MED12L: variants seen among roughly 807,000 people sequenced by gnomAD.
MED12L encodes the protein mediator complex subunit 12L.
A neutral mutation model predicts 281.3 loss-of-function variants in MED12L; 60 were observed. The ratio of observed to expected loss-of-function variants is 0.21; its 90% CI spans 0.17 to 0.26. The LOEUF is 0.26. Among genes scored for constraint, MED12L ranks in the 10% least tolerant of loss-of-function variants. The probability of loss-of-function intolerance (pLI) is 1.00; values close to 1 mark genes in which losing one functional copy is unlikely to be tolerated. For missense variants in MED12L, 2,146 were observed against 2,680.9 expected (o/e 0.80, Z 4.41); for synonymous variants, 974 against 987.2 (o/e 0.99, Z 0.25).
intron 5 of MED12L, among the ~76,000 whole-genome samples, chr3:151,151,031 C>CTTTTTTTTTTGTTTTTTTTTTTTTTTTTT (rs1718405072): frequency 6.1e-5 from 2 of 32,880 alleles, no homozygotes; most frequent in Non-Finnish European, 1.1e-4. Context: ...GCTGAAGTAG[C>CTTTTTTTTTTGTTTTTTTTTTTTTTTTTT]TTTTTTTTTT....
intron 16 of MED12L, among the ~76,000 whole-genome samples, chr3:151,267,932 A>G (rs988641584): frequency 6.6e-5 from 10 of 152,200 alleles, no homozygotes; most frequent in African/African-American, 2.4e-4. Context: ...GTTGCTAAGT[A>G]CTTAAGAAAT....
At chr3:151,144,538 CCT>C (rs1717505944) in intron 5 of MED12L, among the ~76,000 whole-genome samples, 1 of 152,180 alleles carries the variant, frequency 6.6e-6, no homozygotes, top group African/African-American at 2.4e-5. Flanking sequence ...GCCTCGGCCC[CCT>C]GTTTTCTGAC....
At chr3:151,295,092 T>C (rs577139354) in intron 16 of MED12L, 5 of 1,613,570 alleles carry the variant, frequency 3.1e-6, no homozygotes, top group East Asian at 2.2e-5. Flanking sequence ...GCCACAAATA[T>C]AATGAGATAA....
chr3:151,426,038 AG>A (rs1718840960), intron 43 of MED12L, among the ~76,000 whole-genome samples: 8 of 152,236 alleles, frequency 5.3e-5, no homozygotes, highest in Admixed American at 5.2e-4. Flanking sequence ...ACATTTGAAT[AG>A]GGAAGGCAAA....
Position 151,365,056 on chromosome 3 carries a change from A to G in MED12L, c.3035A>G (p.Asp1012Gly), listed in dbSNP as rs140730318. The stretch of plus-strand genomic sequence containing the variant: ...AATTCGAACTTGCGATGGGATCCAG[A>G]CTTCATGATGGATTTTATTGAGAAT... The part of the protein sequence containing the change: ...PANSNLRWDP[D>G]FMMDFIENPS... Residue 1012 changes from aspartate (D) to glycine (G), a missense_variant, in exon 22 of 45, where the codon GAC (aspartate) becomes GGC (glycine). By Grantham distance (94) the Asp-to-Gly change is moderately conservative (BLOSUM62 -1). Transcript: ENST00000687756. The G allele has an allele frequency of 6.2e-7, 1 of 1,614,146 alleles. No homozygotes were observed. Among genetic ancestry groups the G allele is most frequent in the African/African-American group, 1.3e-5 (1 of 75,060 alleles).
At chr3:151,320,196 T>A (rs1748831261) in intron 16 of MED12L, among the ~76,000 whole-genome samples, 1 of 152,182 alleles carries the variant, frequency 6.6e-6, no homozygotes, top group African/African-American at 2.4e-5. Context: ...TATAATCTCA[T>A]TTTTCTGTAT....
chr3:151,175,486 C>A (rs73155794), intron 11 of MED12L, among the ~76,000 whole-genome samples: 1 of 151,888 alleles, frequency 6.6e-6, no homozygotes, highest in Non-Finnish European at 1.5e-5. Flanking sequence ...TTTTTTTCCC[C>A]CACTCCTTTT....
intron 16 of MED12L, among the ~76,000 whole-genome samples, chr3:151,241,058 G>T (rs926805926): frequency 1.3e-4 from 20 of 152,098 alleles, no homozygotes; most frequent in African/African-American, 4.8e-4. Flanking sequence ...TAAAAACGGG[G>T]GACTATACTC....
At chr3:151,123,030 A>G (rs1430837194) in intron 4 of MED12L, 56 bp downstream of exon 4, 1 of 1,364,414 alleles carries the variant, frequency 7.3e-7, no homozygotes, top group Non-Finnish European at 1.0e-6. Context: ...GCTGTTTGGG[A>G]TAATATTCAA....
chr3:151,151,031 CTTTTTTT>C (rs573419924), intron 5 of MED12L, among the ~76,000 whole-genome samples: 20 of 32,888 alleles, frequency 6.1e-4, no homozygotes, highest in Admixed American at 8.0e-4. Context: ...GCTGAAGTAG[CTTTTTTT>C]TTTTTTTTTT....
intron 39 of MED12L, 87 bp from the exon 40 acceptor site, chr3:151,409,156 G>A: frequency 1.1e-6 from 1 of 936,680 alleles, no homozygotes; most frequent in Non-Finnish European, 1.6e-6. Context: ...AATGAGATTA[G>A]ATGTGGGTTA....
chr3:151,294,662 A>T (rs748636694), intron 16 of MED12L: 1 of 1,614,180 alleles, frequency 6.2e-7, no homozygotes, highest in South Asian at 1.1e-5. Flanking sequence ...AGGACTTTTA[A>T]GTTTTGAGCA....
At position 151,385,016 on chromosome 3, in the gene MED12L, T is replaced by C. The variant is rs145552280; in HGVS notation, c.4927-14T>C. The C allele has an allele frequency of 2.6e-4, 343 of 1,344,752 alleles. 1 individual carries two copies. In the African/African-American group the frequency reaches 4.1e-3, roughly 16 times the overall value. 83.3% of individuals were successfully genotyped at this position (1,344,752 alleles called of 1,614,324 possible). On this transcript the variant is annotated splice_polypyrimidine_tract_variant and intron_variant, in intron 35 of 44. Coordinates refer to ENST00000687756, the MANE Select transcript of MED12L (RefSeq NM_001393769.1). ...TCCCACTTCTCACTCTCTCTCTCTC[T>C]CTTTTTTCTTTAGAAAGAGCTAGGA...
chr3:151,293,677 A>AC (rs1553770708), intron 16 of MED12L, among the ~76,000 whole-genome samples: 23 of 121,350 alleles, frequency 1.9e-4, no homozygotes, highest in African/African-American at 8.4e-4. Context: ...ACACACACAC[A>AC]CCCTCTACCT....
intron 11 of MED12L, among the ~76,000 whole-genome samples, chr3:151,178,905 A>G (rs1320028971): frequency 2.6e-5 from 4 of 152,146 alleles, no homozygotes; most frequent in African/African-American, 9.7e-5. Flanking sequence ...TTTATATTAA[A>G]TTTTCATTAG....
rs113490206 is a variant in MED12L at position 151,233,828 on chromosome 3, T to G, written c.2250+40162T>G. Among the ~76,000 whole-genome samples the G allele has an allele frequency of 6.8e-3, 1,040 of 152,352 alleles. 7 individuals are homozygous for G. Among genetic ancestry groups the G allele is most frequent in the South Asian group, 0.016 (76 of 4,826 alleles). ...CTGTTCCTCCTCTGCCATCCGCCTT[T>G]CTCCGCCTTGTGGTAACTCTGTCCT... is the stretch of plus-strand genomic sequence containing the variant. On this transcript the variant is annotated intron_variant, in intron 16 of 44. Transcript: ENST00000687756.
chr3:151,354,165 G>A (rs1438536908), intron 17 of MED12L, among the ~76,000 whole-genome samples: 954 of 76,276 alleles, frequency 0.013, no homozygotes, highest in East Asian at 0.045. Context: ...AAAAAAAAAA[G>A]AATCACAGTG....
chr3:151,369,715 T>A (rs1363719346), intron 26 of MED12L, among the ~76,000 whole-genome samples, 166 bp downstream of exon 26: 2 of 152,216 alleles, frequency 1.3e-5, no homozygotes, highest in Non-Finnish European at 2.9e-5. Flanking sequence ...TACATCAGAC[T>A]CTGGAAGATC....
chr3:151,297,554 T>C (rs1412000258), intron 16 of MED12L, among the ~76,000 whole-genome samples: 1 of 152,150 alleles, frequency 6.6e-6, no homozygotes, highest in Non-Finnish European at 1.5e-5. Flanking sequence ...TGAATTGCTT[T>C]TCAAAATCAT....
Sources: allele counts gnomAD v4.1 joint callset (sites outside exome capture counted in the v4.1 genomes callset), GRCh38; gene constraint gnomAD v4.1.1; transcripts MANE v1.5; gene names NCBI Gene and HGNC (gene_info 2026-07-23, HGNC 2026-07-21).